TEKT4: variants seen among roughly 807,000 people sequenced by gnomAD.
The protein encoded by TEKT4 is tektin 4, also known as tektin-4.
TEKT4 carries 46 observed loss-of-function variants against 46.0 expected under a neutral mutation model. The observed-to-expected ratio is 1.00, with a 90% CI of 0.79 to 1.28. The LOEUF (loss-of-function observed/expected upper bound fraction) is 1.28, where lower values mean the gene tolerates loss of function less well. Among genes scored for constraint, TEKT4 ranks in the 50% most tolerant of loss-of-function variants. The pLI is 0.00. For missense variants in TEKT4, 790 were observed against 622.9 expected (o/e 1.27, Z -2.85); for synonymous variants, 325 against 265.8 (o/e 1.22, Z -2.17).
intron 2 of TEKT4, 34 bp from the exon 3 acceptor site, chr2:94,873,931 G>A (rs782651605): frequency 1.9e-6 from 3 of 1,611,888 alleles, no homozygotes; most frequent in African/African-American, 1.3e-5. Context: ...CCCTCCCTGG[G>A]CACACATCAA....
chr2:94,876,163 C>G (rs1680843523), intron 5 of TEKT4, among the ~76,000 whole-genome samples: 1 of 152,202 alleles, frequency 6.6e-6, no homozygotes, highest in South Asian at 2.1e-4. Flanking sequence ...ATGTGCCGTC[C>G]TTTTGTTTCC....
Position 94,874,973 on chromosome 2 carries a change from A to G in TEKT4, c.911A>G (p.Tyr304Cys). The change falls in exon 4 of 6, where the codon TAC becomes TGC. Residue 304 changes from tyrosine to cysteine, a missense_variant. Transcript: ENST00000295201. ...TGTGAGGAGCTGGAGGACGCGCGGT[A>G]CAAGCTGCATCACCACCTGCACAAG... ...RRCEELEDAR[Y>C]KLHHHLHKTL... The G allele has an allele frequency of 6.2e-7, 1 of 1,608,622 alleles. No homozygotes were observed. The highest frequency in any genetic ancestry group is 8.5e-7 in the Non-Finnish European group (1 of 1,178,520).
chr2:94,876,626 T>G lies in TEKT4; in HGVS notation c.1165T>G (p.Ser389Ala), dbSNP rs372199098. Residue 389 changes from serine to alanine, a missense_variant, in exon 6 of 6, where the codon TCC (serine) becomes GCC (alanine). Coordinates refer to ENST00000295201, the MANE Select transcript of TEKT4 (RefSeq NM_144705.4). ...AGAGAAGCTTCTAGAAGCGGAGCAGTCCCTGCGCAACCTCGAGGACATCCA... is the reference window on the plus strand; with the variant it reads ...AGAGAAGCTTCTAGAAGCGGAGCAGGCCCTGCGCAACCTCGAGGACATCCA... ...LREKLLEAEQ[S>A]LRNLEDIHMS... The G allele has an allele frequency of 5.0e-6, 8 of 1,612,928 alleles. No homozygotes were observed. Among genetic ancestry groups the G allele is most frequent in the African/African-American group, 1.3e-5 (1 of 74,884 alleles).
At position 94,872,083 on chromosome 2, in the gene TEKT4, A is replaced by T. The variant is rs1553394804; in HGVS notation, c.498+6A>T. 19 of 1,534,252 alleles carry T rather than the reference A, an allele frequency of 1.2e-5. No homozygotes were observed. Among genetic ancestry groups the T allele is most frequent in the Admixed American group, 2.0e-5 (1 of 50,612 alleles). On this transcript the variant is annotated splice_donor_region_variant and intron_variant, in intron 1 of 5. Coordinates refer to ENST00000295201, the MANE Select transcript of TEKT4 (RefSeq NM_144705.4). ...TGGAAACGGAGCTGCTGAAGGTGCC[A>T]GCACCCTTGGGTGGCCGGGATTTGT...
Position 94,874,761 on chromosome 2 carries a change from T to A in TEKT4, c.714-15T>A. 2 of 1,545,324 alleles carry A rather than the reference T, an allele frequency of 1.3e-6. No homozygotes were observed. Among genetic ancestry groups the A allele is most frequent in the Non-Finnish European group, 1.7e-6 (2 of 1,148,202 alleles). ...AGCCTCCCCGACCCTCTCCTGGCTGTCCCCCGCCCCGCAGCGCCTCCACCC... is the reference window on the plus strand; with the variant it reads ...AGCCTCCCCGACCCTCTCCTGGCTGACCCCCGCCCCGCAGCGCCTCCACCC... On this transcript the variant is annotated splice_polypyrimidine_tract_variant and intron_variant, in intron 3 of 5. Transcript: ENST00000295201.
intron 1 of TEKT4, 124 bp downstream of exon 1, chr2:94,872,201 G>A: frequency 3.1e-6 from 4 of 1,281,992 alleles, no homozygotes; most frequent in Non-Finnish European, 4.2e-6. Flanking sequence ...CTCTGCACGT[G>A]AGACCCCTGA....
chr2:94,871,590 C>A lies in TEKT4; in HGVS notation c.11C>A (p.Thr4Lys), dbSNP rs1553394408. Residue 4 changes from threonine to lysine, a missense_variant, in exon 1 of 6, where the codon ACA (threonine) becomes AAA (lysine). By Grantham distance (78) the Thr-to-Lys change is moderately conservative. Coordinates refer to ENST00000295201, the MANE Select transcript of TEKT4 (RefSeq NM_144705.4). The part of the protein sequence containing the change: MAQ[T>K]VPPCELPCKE... ...TGGGCGGCAGGCACCATGGCGCAGA[C>A]AGTGCCGCCCTGCGAGCTGCCCTGC... is the stretch of plus-strand genomic sequence containing the variant. The A allele has an allele frequency of 6.2e-7, 1 of 1,604,716 alleles. No homozygotes were observed. Among genetic ancestry groups the A allele is most frequent in the Admixed American group, 1.7e-5 (1 of 58,982 alleles).
chr2:94,872,935 AC>A (rs1358703749), intron 1 of TEKT4: 1 of 1,289,294 alleles, frequency 7.8e-7, no homozygotes, highest in Non-Finnish European at 1.0e-6. Flanking sequence ...GGAGAGGCAA[AC>A]CCAGGGATAG....
Position 94,871,677 on chromosome 2 carries a change from G to C in TEKT4, c.98G>C (p.Ser33Thr). The change falls in exon 1 of 6, where the codon AGC becomes ACC. Residue 33 changes from serine to threonine, a missense_variant. Transcript: ENST00000295201. ...ACGTCCTCCGGCCTGGCCACCGCCA[G>C]CTTCCGCACCTCCAAGTACCTGCTG... ...AYTSSGLATA[S>T]FRTSKYLLEE... is the part of the protein sequence containing the mutation. 1.9e-6 allele frequency: 3 copies of C among 1,612,606 alleles called. No individual in the cohort carries two copies. Among genetic ancestry groups the C allele is most frequent in the East Asian group, 2.2e-5 (1 of 44,866 alleles).
rs782772086 is a variant in TEKT4 at position 94,875,738 on chromosome 2, T to C, written c.1087T>C (p.Phe363Leu). ...NMELCRDAAQ[F>L]RLLSEVEELN... ...GGAGCTGTGCCGTGACGCAGCCCAG[T>C]TCAGGTGCTGCCTGGGCCTCTGAGG... is the stretch of plus-strand genomic sequence containing the variant. The change falls in exon 5 of 6, where the codon TTC (phenylalanine) becomes CTC (leucine). Residue 363 changes from phenylalanine to leucine, a missense_variant. Transcript: ENST00000295201. The C allele has an allele frequency of 6.2e-7, 1 of 1,613,596 alleles. No homozygotes were observed. The highest frequency in any genetic ancestry group is 1.3e-5 in the African/African-American group (1 of 75,044).
Position 94,875,756 on chromosome 2 carries a change from CTCTGAGGCAG to C in TEKT4, c.1091+17_1091+26del. On this transcript the variant is annotated intron_variant, in intron 5 of 5. Coordinates refer to ENST00000295201, the MANE Select transcript of TEKT4 (RefSeq NM_144705.4). Reference sequence around the variant, plus strand: ...AGCCCAGTTCAGGTGCTGCCTGGGCCTCTGAGGCAGTCCCAGGTGGCCCTGTCCACCTCCT... The same window carrying C: ...AGCCCAGTTCAGGTGCTGCCTGGGCCTCCCAGGTGGCCCTGTCCACCTCCT... The C allele has an allele frequency of 1.2e-6, 2 of 1,611,534 alleles. No individual in the cohort carries two copies. Among genetic ancestry groups the C allele is most frequent in the Non-Finnish European group, 8.5e-7 (1 of 1,178,422 alleles).
chr2:94,874,767 G>T lies in TEKT4; in HGVS notation c.714-9G>T, dbSNP rs374382337. The T allele has an allele frequency of 7.1e-6, 11 of 1,555,836 alleles. No individual in the cohort carries two copies. In the African/African-American group the frequency reaches 1.2e-4, roughly 17 times the overall value. ...CCCGACCCTCTCCTGGCTGTCCCCC[G>T]CCCCGCAGCGCCTCCACCCCGGAGA... On this transcript the variant is annotated splice_polypyrimidine_tract_variant and intron_variant, in intron 3 of 5. Coordinates refer to ENST00000295201, the MANE Select transcript of TEKT4 (RefSeq NM_144705.4).
chr2:94,872,941 G>A (rs1450372513), intron 1 of TEKT4: 7 of 1,289,312 alleles, frequency 5.4e-6, no homozygotes, highest in Non-Finnish European at 7.1e-6. Context: ...GCAAACCCAG[G>A]GATAGAGGGG....
At chr2:94,873,905 A>G in intron 2 of TEKT4, 60 bp from the exon 3 acceptor site, 1 of 1,602,378 alleles carries the variant, frequency 6.2e-7, no homozygotes, top group Non-Finnish European at 8.5e-7. Context: ...TGCAGCACAG[A>G]GGGTCCCCAG....
intron 4 of TEKT4, 121 bp downstream of exon 4, chr2:94,875,119 A>G: frequency 9.3e-7 from 1 of 1,075,864 alleles, no homozygotes; most frequent in South Asian, 1.6e-5. Flanking sequence ...CCTCTCCGTA[A>G]ACCTATGTAA....
Position 94,873,527 on chromosome 2 carries a change from A to C in TEKT4, c.506A>C (p.Glu169Ala), listed in dbSNP as rs1553395337. Residue 169 changes from glutamate (E) to alanine (A), a missense_variant, in exon 2 of 6, where the codon GAG (glutamate) becomes GCG (alanine). Physicochemically the swap from Glu to Ala is moderately radical, Grantham distance 107. Transcript: ENST00000295201. ...GGGCGTCTCCTCCCTCAGGAAGCCG[A>C]GCTCATCCGGAACATTCAGGAGCTG... Reference protein sequence around the residue: ...HVETELLKEAELIRNIQELLK... With the variant: ...HVETELLKEAALIRNIQELLK... The C allele has an allele frequency of 6.2e-7, 1 of 1,612,304 alleles. No individual in the cohort carries two copies. The highest frequency in any genetic ancestry group is 8.5e-7 in the Non-Finnish European group (1 of 1,180,000).
At chr2:94,872,464 G>A (rs1680621290) in intron 1 of TEKT4, 1 of 339,816 alleles carries the variant, frequency 2.9e-6, no homozygotes, top group Non-Finnish European at 5.6e-6. Context: ...GGGGTGGGCT[G>A]GGAGCCACTG....
rs369587078 is a variant in TEKT4 at position 94,876,644 on chromosome 2, G to A, written c.1183G>A (p.Asp395Asn). The change falls in exon 6 of 6, where the codon GAC (aspartate) becomes AAC (asparagine). Residue 395 changes from aspartate to asparagine, a missense_variant. Coordinates refer to ENST00000295201, the MANE Select transcript of TEKT4 (RefSeq NM_144705.4). ...EAEQSLRNLE[D>N]IHMSLEKDIA... ...GGAGCAGTCCCTGCGCAACCTCGAG[G>A]ACATCCACATGAGCCTGGAGAAGGA... is the stretch of plus-strand genomic sequence containing the variant. 2.5e-5 allele frequency: 40 copies of A among 1,613,222 alleles called. No homozygotes were observed. The African/African-American group carries it at 4.5e-4, about 18-fold the overall frequency.
chr2:94,872,109 G>A (rs1553394810), intron 1 of TEKT4, 32 bp downstream of exon 1: 1 of 1,504,192 alleles, frequency 6.6e-7, no homozygotes. Context: ...CGGGATTTGT[G>A]GGCGCAGAGA....
Sources: allele counts gnomAD v4.1 joint callset (sites outside exome capture counted in the v4.1 genomes callset), GRCh38; gene constraint gnomAD v4.1.1; transcripts MANE v1.5; gene names NCBI Gene and HGNC (gene_info 2026-07-23, HGNC 2026-07-21).